The following PLB1 variants were observed in gnomAD, a reference collection of about 807,000 sequenced individuals.
PLB1 encodes phospholipase B1.
A neutral mutation model predicts 227.4 loss-of-function variants in PLB1; 242 were observed. The observed-to-expected ratio is 1.06, with a 90% CI of 0.96 to 1.18. The LOEUF (loss-of-function observed/expected upper bound fraction) is 1.18. PLB1 is among the 50% of genes most tolerant of loss of function. The pLI is 0.00. For missense variants in PLB1, 1,858 were observed against 1,816.3 expected (o/e 1.02, Z -0.42); for synonymous variants, 757 against 682.2 (o/e 1.11, Z -1.71).
intron 49 of PLB1, 46 bp from the exon 50 acceptor site, chr2:28,625,011 C>A (rs200040499): frequency 1.3e-6 from 2 of 1,581,958 alleles, no homozygotes; most frequent in Non-Finnish European, 1.7e-6. Flanking sequence ...CGTGAGTCCT[C>A]GCTCCTGAGC....
At chr2:28,596,751 C>T (rs1388063526) in intron 33 of PLB1, among the ~76,000 whole-genome samples, 3 of 152,310 alleles carry the variant, frequency 2.0e-5, no homozygotes, top group East Asian at 1.9e-4. Context: ...GGGTGGGGAG[C>T]GAGAACTGAG....
intron 1 of PLB1, among the ~76,000 whole-genome samples, chr2:28,510,853 C>A (rs548788067): frequency 1.3e-5 from 2 of 150,580 alleles, no homozygotes; most frequent in East Asian, 3.9e-4. Flanking sequence ...GTCTTGAATT[C>A]CTGGGCTGGA....
Position 28,518,455 on chromosome 2 carries a change from T to G in PLB1, c.118-11T>G. 1 of 1,605,910 alleles carries G rather than the reference T, an allele frequency of 6.2e-7. No homozygotes were observed. ...GCAGTTGATGTTTCTGATGTTCGTT[T>G]TCAATTGCAGACCCTGAAGAATTCT... On this transcript the variant is annotated splice_polypyrimidine_tract_variant and intron_variant, in intron 2 of 57. Transcript: ENST00000327757.
chr2:28,567,959 T>C (rs1357196965), intron 20 of PLB1, among the ~76,000 whole-genome samples: 1 of 152,198 alleles, frequency 6.6e-6, no homozygotes, highest in East Asian at 1.9e-4. Context: ...ACTTTCCTGG[T>C]ACATAGCCCT....
intron 1 of PLB1, among the ~76,000 whole-genome samples, chr2:28,510,054 A>C (rs1668060222): frequency 6.6e-6 from 1 of 152,206 alleles, no homozygotes; most frequent in Non-Finnish European, 1.5e-5. Context: ...CATCAAGGTA[A>C]AAACATGAAC....
intron 10 of PLB1, 128 bp downstream of exon 10, chr2:28,538,509 G>A (rs1165200616): frequency 1.3e-6 from 1 of 776,392 alleles, no homozygotes; most frequent in African/African-American, 1.7e-5. Context: ...GGAAACTTTA[G>A]AGCACCCCAT....
chr2:28,577,627 G>C (rs1275527452), intron 21 of PLB1, among the ~76,000 whole-genome samples: 1 of 152,216 alleles, frequency 6.6e-6, no homozygotes, highest in African/African-American at 2.4e-5. Flanking sequence ...TGGATCGTGA[G>C]GTCAGGAGTT....
intron 1 of PLB1, among the ~76,000 whole-genome samples, chr2:28,506,707 G>C (rs146305566): frequency 6.6e-6 from 1 of 152,218 alleles, no homozygotes; most frequent in East Asian, 1.9e-4. Flanking sequence ...GTGGCATGAC[G>C]CAAGTGGTAT....
At chr2:28,585,731 A>T (rs1194442275) in intron 25 of PLB1, 30 bp from the exon 26 acceptor site, 1 of 1,522,508 alleles carries the variant, frequency 6.6e-7, no homozygotes, top group Non-Finnish European at 9.1e-7. Context: ...TCTTGGTGGG[A>T]TGAGGGTTTC....
At chr2:28,577,962 CT>C in intron 21 of PLB1, 144 bp from the exon 22 acceptor site, 2 of 774,960 alleles carry the variant, frequency 2.6e-6, no homozygotes, top group Non-Finnish European at 4.5e-6. Context: ...GGGGAAGAAG[CT>C]CTGCGACACG....
intron 21 of PLB1, among the ~76,000 whole-genome samples, chr2:28,575,076 T>TTA (rs977325260): frequency 3.3e-5 from 5 of 152,208 alleles, no homozygotes; most frequent in African/African-American, 9.6e-5. Flanking sequence ...CTTTCAGTCT[T>TTA]TAAGGAATCT....
chr2:28,642,427 A>C (rs942548327), intron 57 of PLB1, among the ~76,000 whole-genome samples: 23 of 152,050 alleles, frequency 1.5e-4, no homozygotes, highest in African/African-American at 5.1e-4. Flanking sequence ...TGATTTGGGG[A>C]TCTTTCATCT....
intron 16 of PLB1, among the ~76,000 whole-genome samples, chr2:28,551,745 G>A (rs763383976): frequency 2.6e-5 from 4 of 152,210 alleles, no homozygotes; most frequent in African/African-American, 7.2e-5. Context: ...AGTAATAGTC[G>A]TACCTTGCGG....
At chr2:28,632,475 G>A (rs1316682293) in intron 55 of PLB1, among the ~76,000 whole-genome samples, 3 of 152,122 alleles carry the variant, frequency 2.0e-5, no homozygotes, top group African/African-American at 4.8e-5. Flanking sequence ...CTATGGGTGG[G>A]TCCAATTCTT....
At chr2:28,637,354 C>CTTATCCCCA (rs2148349660) in intron 56 of PLB1, among the ~76,000 whole-genome samples, 1 of 151,040 alleles carries the variant, frequency 6.6e-6, no homozygotes, top group South Asian at 2.1e-4. Flanking sequence ...CCTGACCGGG[C>CTTATCCCCA]TTATCCCCAG....
chr2:28,565,774 C>T (rs953822875), intron 19 of PLB1, among the ~76,000 whole-genome samples: 1 of 152,224 alleles, frequency 6.6e-6, no homozygotes, highest in African/African-American at 2.4e-5. Context: ...CTCTCCTCAT[C>T]TCTGATGCAG....
chr2:28,525,662 G>C (rs1351392385), intron 5 of PLB1, among the ~76,000 whole-genome samples: 1 of 152,152 alleles, frequency 6.6e-6, no homozygotes, highest in Non-Finnish European at 1.5e-5. Flanking sequence ...GTTTCCCCTT[G>C]CAGCTTTGGA....
intron 20 of PLB1, among the ~76,000 whole-genome samples, chr2:28,569,984 GAA>G (rs1558788917): frequency 7.7e-4 from 28 of 36,430 alleles, no homozygotes; most frequent in Non-Finnish European, 4.3e-3. Context: ...AAAAAAGAAA[GAA>G]AAAAGAAAAT....
chr2:28,587,016 T>C (rs2148278096), intron 26 of PLB1, among the ~76,000 whole-genome samples: 2 of 152,290 alleles, frequency 1.3e-5, no homozygotes, highest in South Asian at 4.2e-4. Flanking sequence ...TCCAAAGTGC[T>C]GGGATTGCAG....
Sources: gnomAD v4.1 joint callset for allele counts (sites outside exome capture counted in the v4.1 genomes callset) on GRCh38, gnomAD v4.1.1 for gene constraint, MANE v1.5 for transcripts, NCBI Gene and HGNC (gene_info 2026-07-23, HGNC 2026-07-21) for gene names.